The following FGF20 variants were observed in gnomAD, a reference collection of about 807,000 sequenced individuals.
The protein encoded by FGF20 is fibroblast growth factor 20.
FGF20 carries 8 observed loss-of-function variants against 16.7 expected under a neutral mutation model. The ratio of observed to expected loss-of-function variants is 0.48; its 90% CI spans 0.28 to 0.87. The LOEUF (loss-of-function observed/expected upper bound fraction) is 0.87, where lower values mean the gene tolerates loss of function less well. Among genes scored for constraint, FGF20 ranks in the 40% least tolerant of loss-of-function variants. FGF20 has a pLI of 0.10. For synonymous variants in FGF20, 161 were observed against 118.6 expected, an observed-to-expected ratio of 1.36 and a Z score of -2.32; for missense variants, 397 against 281.4, an observed-to-expected ratio of 1.41 and a Z score of -2.94.
intron 1 of FGF20, among the ~76,000 whole-genome samples, chr8:16,998,463 T>C (rs567587491): frequency 6.6e-6 from 1 of 152,340 alleles, no homozygotes; most frequent in Admixed American, 6.5e-5. Context: ...TTGACAAGTC[T>C]TTCTTATTTA....
chr8:16,993,347 T>A lies in FGF20; in HGVS notation c.391-30A>T, dbSNP rs17550346. On this transcript the variant is annotated intron_variant, in intron 2 of 2. Transcript: ENST00000180166. ...AAGAGAGAAGATAACTATTATTTTT[T>A]AAAAAAATACCTTTGAGATAATTTC... 2,370 of 1,553,990 alleles carry A rather than the reference T, an allele frequency of 1.5e-3. 20 individuals are homozygous for A. The African/African-American group carries it at 0.027, about 18-fold the overall frequency.
Position 16,996,486 on chromosome 8 carries a change from T to A in FGF20, c.287-728A>T, listed in dbSNP as rs372998873. 2.6e-5 allele frequency among the ~76,000 whole-genome samples: 4 copies of A among 152,290 alleles called. No individual in the cohort carries two copies. In the South Asian group the frequency reaches 8.3e-4, roughly 32 times the overall value. Reference sequence around the variant, plus strand: ...AGGAGATGGGTGAGGACTAACACATTTAGGCATTCAACAAACGGAAGCTAT... The same window carrying A: ...AGGAGATGGGTGAGGACTAACACATATAGGCATTCAACAAACGGAAGCTAT... On this transcript the variant is annotated intron_variant, in intron 1 of 2. Coordinates refer to ENST00000180166, the MANE Select transcript of FGF20 (RefSeq NM_019851.3).
chr8:16,999,030 C>T (rs989754080), intron 1 of FGF20, among the ~76,000 whole-genome samples: 17 of 152,078 alleles, frequency 1.1e-4, no homozygotes, highest in Non-Finnish European at 2.1e-4. Context: ...AGAAGCCAAA[C>T]ATACAGAAGC....
chr8:16,995,994 G>A (rs1810033830), intron 1 of FGF20, among the ~76,000 whole-genome samples: 1 of 152,292 alleles, frequency 6.6e-6, no homozygotes, highest in East Asian at 1.9e-4. Flanking sequence ...GTATAAAGGG[G>A]TTCCCAGAGA....
intron 2 of FGF20, among the ~76,000 whole-genome samples, chr8:16,995,156 G>C (rs1810014137): frequency 1.3e-5 from 2 of 152,168 alleles, no homozygotes; most frequent in Non-Finnish European, 2.9e-5. Context: ...AAGACTACAG[G>C]CATAGAAGAA....
chr8:16,995,806 A>C (rs774075281), intron 1 of FGF20, 48 bp from the exon 2 acceptor site: 1 of 1,095,262 alleles, frequency 9.1e-7, no homozygotes, highest in East Asian at 2.4e-5. Context: ...GTATTTATGC[A>C]TGAGCATATG....
At position 17,002,067 on chromosome 8, in the gene FGF20, A is replaced by G. The variant is rs752565304; in HGVS notation, c.-35T>C. The G allele has an allele frequency of 1.8e-5, 27 of 1,502,796 alleles. No homozygotes were observed. The highest frequency in any genetic ancestry group is 2.2e-5 in the Non-Finnish European group (25 of 1,129,338). 93.1% of individuals were successfully genotyped at this position (1,502,796 alleles called of 1,614,324 possible). A position where few individuals can be genotyped will look rare whatever the true frequency, so the allele number is the denominator to read the frequency against. ...GATCCGGAACACAAAAGACCCCCCC[A>G]GTAAAGAGTGTTGTGGGGGTGGGAT... On this transcript the variant is annotated 5_prime_UTR_variant, in exon 1 of 3. Transcript: ENST00000180166.
Position 17,001,844 on chromosome 8 carries a change from G to C in FGF20, c.189C>G (p.Ile63Met). The C allele has an allele frequency of 2.0e-6, 3 of 1,515,100 alleles. No homozygotes were observed. Among genetic ancestry groups the C allele is most frequent in the Non-Finnish European group, 2.6e-6 (3 of 1,134,840 alleles). 93.9% of individuals were successfully genotyped at this position (1,515,100 alleles called of 1,614,324 possible). A position where few individuals can be genotyped will look rare whatever the true frequency, so the allele number is the denominator to read the frequency against. The change falls in exon 1 of 3, where the codon ATC becomes ATG. Residue 63 changes from isoleucine (I) to methionine (M), a missense_variant. Ile to Met is a conservative substitution (Grantham distance 10). Transcript: ENST00000180166. Reference protein sequence around the residue: ...GAAQLAHLHGILRRRQLYCRT... With the variant: ...GAAQLAHLHGMLRRRQLYCRT... ...GGCAATAGAGCTGCCGGCGGCGCAG[G>C]ATGCCGTGCAGGTGCGCCAGCTGCG...
chr8:16,997,599 T>A (rs560229974), intron 1 of FGF20, among the ~76,000 whole-genome samples: 2 of 152,196 alleles, frequency 1.3e-5, no homozygotes, highest in Non-Finnish European at 2.9e-5. Context: ...ACTAGAGCTA[T>A]CAAGGATCTT....
Position 16,996,428 on chromosome 8 carries a change from C to T in FGF20, c.287-670G>A, listed in dbSNP as rs546667781. ...TTTGTCTTCTTTGAACTTTAACCTCCTCATATGCAAAATGGATGAAATGCC... is the reference window on the plus strand; with the variant it reads ...TTTGTCTTCTTTGAACTTTAACCTCTTCATATGCAAAATGGATGAAATGCC... On this transcript the variant is annotated intron_variant, in intron 1 of 2. Transcript: ENST00000180166. Among the ~76,000 whole-genome samples the T allele has an allele frequency of 2.6e-5, 4 of 152,262 alleles. No homozygotes were observed. The South Asian group carries it at 8.3e-4, about 32-fold the overall frequency.
Position 16,993,116 on chromosome 8 carries a change from C to G in FGF20, c.592G>C (p.Glu198Gln). The G allele has an allele frequency of 1.9e-6, 3 of 1,614,080 alleles. No individual in the cohort carries two copies. The highest frequency in any genetic ancestry group is 1.7e-6 in the Non-Finnish European group (2 of 1,179,996). ...THFLPRPVDP[E>Q]RVPELYKDLL... The stretch of plus-strand genomic sequence containing the variant: ...TCCTTGTACAATTCTGGAACTCTTT[C>G]TGGATCCACTGGTCTAGGTAAGAAA... Residue 198 changes from glutamate (E) to glutamine (Q), a missense_variant, in exon 3 of 3, where the codon GAA (glutamate) becomes CAA (glutamine). Physicochemically the swap from Glu to Gln is conservative, Grantham distance 29. Coordinates refer to ENST00000180166, the MANE Select transcript of FGF20 (RefSeq NM_019851.3).
In FGF20 at chr8:17,001,808, G is replaced by T. The variant is rs1810192544; in HGVS notation, c.225C>A (p.Phe75Leu). 1.9e-6 allele frequency: 3 copies of T among 1,560,342 alleles called. No individual in the cohort carries two copies. The highest frequency in any genetic ancestry group is 2.6e-6 in the Non-Finnish European group (3 of 1,157,892). Reference protein sequence around the residue: ...RRRQLYCRTGFHLQILPDGSV... With the variant: ...RRRQLYCRTGLHLQILPDGSV... ...TGCCGTCGGGCAGGATCTGCAGGTG[G>T]AAGCCGGTGCGGCAATAGAGCTGCC... Residue 75 changes from phenylalanine to leucine, a missense_variant, in exon 1 of 3, where the codon TTC becomes TTA. Coordinates refer to ENST00000180166, the MANE Select transcript of FGF20 (RefSeq NM_019851.3).
intron 1 of FGF20, among the ~76,000 whole-genome samples, chr8:16,998,088 T>A (rs1220590322): frequency 2.0e-5 from 3 of 152,162 alleles, no homozygotes. Flanking sequence ...TATAAGCTAA[T>A]TATATAACAA....
intron 2 of FGF20, among the ~76,000 whole-genome samples, chr8:16,994,228 C>T (rs1809989186): frequency 6.6e-6 from 1 of 152,206 alleles, no homozygotes; most frequent in Admixed American, 6.5e-5. Context: ...CAAGTCTCTA[C>T]TCTCACCTTG....
intron 1 of FGF20, among the ~76,000 whole-genome samples, chr8:16,997,990 G>T (rs75191092): frequency 1.5e-5 from 1 of 64,804 alleles, no homozygotes; most frequent in Non-Finnish European, 4.5e-5. Flanking sequence ...AGATTCTCTT[G>T]TCTTTCAAAG....
At position 16,992,409 on chromosome 8, in the gene FGF20, AAT is replaced by A; in HGVS notation, c.*661_*662del. ...AGACACCACAATAAAGTAATGGCACAATAACGGAAGTTTTGTTGTTTTTTACT... is the reference window on the plus strand; with the variant it reads ...AGACACCACAATAAAGTAATGGCACAAACGGAAGTTTTGTTGTTTTTTACT... On this transcript the variant is annotated 3_prime_UTR_variant, in exon 3 of 3. Transcript: ENST00000180166. 1.3e-5 allele frequency: 2 copies of A among 152,152 alleles called. No homozygotes were observed. The highest frequency in any genetic ancestry group is 6.8e-3 in the Middle Eastern group (2 of 294). The allele number at this position is 152,152 out of a possible 1,614,324, so 9.4% of individuals were successfully genotyped here. A position where few individuals can be genotyped will look rare whatever the true frequency, so the allele number is the denominator to read the frequency against.
intron 1 of FGF20, among the ~76,000 whole-genome samples, chr8:16,999,450 CAT>C (rs1810131238): frequency 6.7e-6 from 1 of 149,944 alleles, no homozygotes; most frequent in Admixed American, 6.7e-5. Context: ...GTCTTATAAA[CAT>C]ACACAAAGTA....
Position 17,002,059 on chromosome 8 carries a change from A to G in FGF20, c.-27T>C. 6.6e-7 allele frequency: 1 copy of G among 1,512,912 alleles called. No homozygotes were observed. The allele number at this position is 1,512,912 out of a possible 1,614,324, so 93.7% of individuals were successfully genotyped here. A position where few individuals can be genotyped will look rare whatever the true frequency, so the allele number is the denominator to read the frequency against. On this transcript the variant is annotated 5_prime_UTR_variant, in exon 1 of 3. Transcript: ENST00000180166. ...GAGGGGGAGATCCGGAACACAAAAG[A>G]CCCCCCCAGTAAAGAGTGTTGTGGG...
At chr8:16,996,028 G>A (rs17515163) in intron 1 of FGF20, among the ~76,000 whole-genome samples, 3,328 of 152,242 alleles carry the variant, frequency 0.022, 109 homozygotes, top group African/African-American at 0.075. Flanking sequence ...CTGCGTGCTG[G>A]GACAACAGGA....
Sources: gnomAD v4.1 joint callset for allele counts (sites outside exome capture counted in the v4.1 genomes callset) on GRCh38, gnomAD v4.1.1 for gene constraint, MANE v1.5 for transcripts, NCBI Gene and HGNC (gene_info 2026-07-23, HGNC 2026-07-21) for gene names.